The following SEMA3D variants were observed in gnomAD, a reference collection of about 807,000 sequenced individuals.
SEMA3D encodes the protein semaphorin-3D.
SEMA3D carries 84 observed loss-of-function variants against 100.1 expected under a neutral mutation model. That is an observed-to-expected ratio of 0.84 (90% CI 0.70 to 1.01). The LOEUF is 1.01. SEMA3D is among the 50% of genes least tolerant of loss of function. The pLI is 0.00. For synonymous variants in SEMA3D, 312 were observed against 320.7 expected (o/e 0.97, Z 0.29); for missense variants, 875 against 934.1 (o/e 0.94, Z 0.82).
intron 3 of SEMA3D, among the ~76,000 whole-genome samples, chr7:85,109,800 T>A (rs1789041951): frequency 6.6e-6 from 1 of 151,956 alleles, no homozygotes; most frequent in Non-Finnish European, 1.5e-5. Context: ...TTAATAAGGC[T>A]CAAGAAATTA....
At chr7:85,158,816 C>T (rs947224051) in intron 1 of SEMA3D, among the ~76,000 whole-genome samples, 3 of 152,066 alleles carry the variant, frequency 2.0e-5, no homozygotes, top group African/African-American at 7.2e-5. Flanking sequence ...ATTTCTCAGA[C>T]CAGCCAACAC....
In SEMA3D at chr7:85,142,092, T is replaced by C. The variant is rs144433131; in HGVS notation, c.-41+11516A>G. On this transcript the variant is annotated intron_variant, in intron 2 of 18. Transcript: ENST00000284136. ...CTGTGAACTATACAGAAGTTGGCAA[T>C]GCATTTTAGTTTTGATGTATTAAAA... 2.9e-5 allele frequency: 29 copies of C among 984,212 alleles called. 1 individual carries two copies. In the East Asian group the frequency reaches 1.7e-3, roughly 58 times the overall value. The allele number at this position is 984,212 out of a possible 1,614,324, so 61.0% of individuals were successfully genotyped here.
At chr7:85,236,295 T>G in the SEMA3D span, among the ~76,000 whole-genome samples, 1 of 147,202 alleles carries the variant, frequency 6.8e-6, no homozygotes, top group Admixed American at 6.8e-5. Context: ...ATTTATTTAT[T>G]TATTTATTTA....
At chr7:85,012,306 G>A (rs887744736) in intron 17 of SEMA3D, among the ~76,000 whole-genome samples, 40 of 151,666 alleles carry the variant, frequency 2.6e-4, no homozygotes, top group Admixed American at 2.4e-3. Context: ...CATGGAAGTC[G>A]CTTAATAAAT....
chr7:85,124,835 G>A (rs17647464), intron 2 of SEMA3D, among the ~76,000 whole-genome samples: 83,679 of 151,862 alleles, frequency 0.55, 24,235 homozygotes, highest in African/African-American at 0.74. Flanking sequence ...TTGGCTCTGC[G>A]TATTCTGGTA....
chr7:85,139,737 G>T (rs1789986887), intron 2 of SEMA3D, among the ~76,000 whole-genome samples: 1 of 151,964 alleles, frequency 6.6e-6, no homozygotes, highest in Non-Finnish European at 1.5e-5. Context: ...GGATGCCATT[G>T]ATTTCAGAGA....
chr7:85,202,220 C>G, the SEMA3D span, among the ~76,000 whole-genome samples: 10 of 110,150 alleles, frequency 9.1e-5, no homozygotes, highest in South Asian at 7.4e-4. Context: ...CCCCCCACCC[C>G]ACAACAGTCC....
chr7:85,219,074 C>T, the SEMA3D span, among the ~76,000 whole-genome samples: 1 of 152,056 alleles, frequency 6.6e-6, no homozygotes, highest in South Asian at 2.1e-4. Context: ...AAAAGTGGCC[C>T]ATGTTCTCCT....
At chr7:85,138,423 G>T (rs944473543) in intron 2 of SEMA3D, among the ~76,000 whole-genome samples, 3 of 151,504 alleles carry the variant, frequency 2.0e-5, no homozygotes, top group Admixed American at 6.6e-5. Context: ...AGAGCAGCTG[G>T]GATTACAGGT....
chr7:85,100,293 G>A (rs1788706727), intron 3 of SEMA3D, among the ~76,000 whole-genome samples: 1 of 149,150 alleles, frequency 6.7e-6, no homozygotes, highest in South Asian at 2.1e-4. Flanking sequence ...TTGAATTGGA[G>A]TCTTCAGTGT....
Position 85,176,524 on chromosome 7 carries a change from C to T in SEMA3D, c.-173+10154G>A, listed in dbSNP as rs987287451. The stretch of plus-strand genomic sequence containing the variant: ...TTGCCCCAGTATAACACAAATTCAG[C>T]AGAAACTCCAGTTAACTGTGAAGCA... On this transcript the variant is annotated intron_variant, in intron 1 of 18. Coordinates refer to ENST00000284136, the MANE Select transcript of SEMA3D (RefSeq NM_001384900.1). Among the ~76,000 whole-genome samples the T allele has an allele frequency of 1.6e-4, 25 of 152,150 alleles. 1 individual carries two copies. Among genetic ancestry groups the T allele is most frequent in the Admixed American group, 9.8e-4 (15 of 15,278 alleles).
chr7:85,122,917 G>A (rs1024378377), intron 2 of SEMA3D, among the ~76,000 whole-genome samples: 2 of 152,120 alleles, frequency 1.3e-5, no homozygotes, highest in Non-Finnish European at 2.9e-5. Flanking sequence ...ATCAAAACAC[G>A]TATTCCAAAC....
the SEMA3D span, among the ~76,000 whole-genome samples, chr7:85,238,527 CT>C: frequency 1.3e-5 from 2 of 152,144 alleles, no homozygotes; most frequent in African/African-American, 4.8e-5. Context: ...GTGTCAATTT[CT>C]GGGCTATCTA....
chr7:85,088,424 A>C (rs1788286505), intron 4 of SEMA3D, among the ~76,000 whole-genome samples: 1 of 152,198 alleles, frequency 6.6e-6, no homozygotes, highest in Non-Finnish European at 1.5e-5. Context: ...AAGGAAGTTG[A>C]AACTTATTCA....
chr7:85,135,403 G>A (rs1355850554), intron 2 of SEMA3D, among the ~76,000 whole-genome samples: 1 of 151,548 alleles, frequency 6.6e-6, no homozygotes. Context: ...ACTGTCGCAA[G>A]AACAAAAAAC....
intron 5 of SEMA3D, among the ~76,000 whole-genome samples, chr7:85,077,523 C>T (rs751300236): frequency 1.9e-4 from 29 of 151,288 alleles, no homozygotes; most frequent in Non-Finnish European, 2.7e-4. Context: ...AAATATGGGC[C>T]GCAGGGATAT....
chr7:85,081,521 G>A lies in SEMA3D; in HGVS notation c.371C>T (p.Ala124Val). The A allele has an allele frequency of 6.2e-7, 1 of 1,600,758 alleles. No homozygotes were observed. The highest frequency in any genetic ancestry group is 8.6e-7 in the Non-Finnish European group (1 of 1,168,110). The change falls in exon 5 of 19, where the codon GCC becomes GTC. Residue 124 changes from alanine (A) to valine (V), a missense_variant. Ala to Val is a moderately conservative substitution (Grantham distance 64, BLOSUM62 0). Transcript: ENST00000284136. Reference sequence around the variant, plus strand: ...TTGTTACAGTTTCATACTTACATTGGCATCTTTCCCAGCTAATTTACATAA... The same window carrying A: ...TTGTTACAGTTTCATACTTACATTGACATCTTTCCCAGCTAATTTACATAA... ...VELCKLAGKD[A>V]NTECANFIRV...
At chr7:85,043,459 T>C (rs1790918860) in intron 9 of SEMA3D, among the ~76,000 whole-genome samples, 1 of 152,192 alleles carries the variant, frequency 6.6e-6, no homozygotes, top group Non-Finnish European at 1.5e-5. Context: ...AAAAATGTTC[T>C]TTAAGCATTT....
rs955995895 is a variant in SEMA3D at position 84,997,736 on chromosome 7, T to C, written c.*1704A>G. 6.6e-6 allele frequency: 1 copy of C among 151,092 alleles called. No homozygotes were observed. The highest frequency in any genetic ancestry group is 6.6e-5 in the Admixed American group (1 of 15,224). The allele number at this position is 151,092 out of a possible 1,614,324, so 9.4% of individuals were successfully genotyped here. A position where few individuals can be genotyped will look rare whatever the true frequency, so the allele number is the denominator to read the frequency against. On this transcript the variant is annotated 3_prime_UTR_variant, in exon 19 of 19. Coordinates refer to ENST00000284136, the MANE Select transcript of SEMA3D (RefSeq NM_001384900.1). The stretch of plus-strand genomic sequence containing the variant: ...GACTTTTCTTTCAAGATATGTAGAA[T>C]GCATGAGAAACGAGCAATGTCTGTT...
Sources: gnomAD v4.1 joint callset for allele counts (sites outside exome capture counted in the v4.1 genomes callset) on GRCh38, gnomAD v4.1.1 for gene constraint, MANE v1.5 for transcripts, NCBI Gene and HGNC (gene_info 2026-07-23, HGNC 2026-07-21) for gene names.